Variants in UACA observed in about 807,000 individuals in gnomAD.
The protein encoded by UACA is nuclear membrane binding protein.
Under a neutral mutation model 160.5 loss-of-function variants are expected in UACA, and 112 were observed. The ratio of observed to expected loss-of-function variants is 0.70; its 90% CI spans 0.60 to 0.82. UACA has a LOEUF of 0.82. Among genes scored for constraint, UACA ranks in the 40% least tolerant of loss-of-function variants. UACA has a pLI of 0.00. For missense variants in UACA, 1,574 were observed against 1,614.6 expected, an observed-to-expected ratio of 0.97 and a Z score of 0.43; for synonymous variants, 557 against 568.4, an observed-to-expected ratio of 0.98 and a Z score of 0.29.
rs2030909693 is a variant in UACA at position 70,763,512 on chromosome 15, AG to A, written c.-106del. ...CAGCAGAGGCGGCGCGGGCTGTACC[AG>A]CCCCACCTGCCTGCCACCTGCGGGC... On this transcript the variant is annotated 5_prime_UTR_variant, in exon 1 of 19. Transcript: ENST00000322954. 3.2e-6 allele frequency: 4 copies of A among 1,249,672 alleles called. No homozygotes were observed. Among genetic ancestry groups the A allele is most frequent in the Non-Finnish European group, 4.0e-6 (4 of 991,502 alleles). 77.4% of individuals were successfully genotyped at this position (1,249,672 alleles called of 1,614,324 possible).
intron 1 of UACA, among the ~76,000 whole-genome samples, chr15:70,702,496 A>G (rs1898400573): frequency 6.6e-6 from 1 of 152,242 alleles, no homozygotes; most frequent in South Asian, 2.1e-4. Flanking sequence ...TGACTCAAAC[A>G]TATTGTAAAA....
At position 70,749,283 on chromosome 15, in the gene UACA, T is replaced by C. The variant is rs909846750; in HGVS notation, c.78+14047A>G. 2.8e-5 allele frequency: 11 copies of C among 397,290 alleles called. 1 individual carries two copies. Among genetic ancestry groups the C allele is most frequent in the Admixed American group, 2.8e-5 (1 of 35,580 alleles). 24.6% of individuals were successfully genotyped at this position (397,290 alleles called of 1,614,324 possible). A position where few individuals can be genotyped will look rare whatever the true frequency, so the allele number is the denominator to read the frequency against. On this transcript the variant is annotated intron_variant, in intron 1 of 18. Transcript: ENST00000322954. ...GGCTCATGCCTGTAATCCCAGCACT[T>C]TGGGAGGCCGAAGTGGGCGGATCAC...
chr15:70,694,684 A>G (rs1898066017), intron 3 of UACA, among the ~76,000 whole-genome samples: 1 of 152,136 alleles, frequency 6.6e-6, no homozygotes, highest in South Asian at 2.1e-4. Context: ...GGTAGCAGTT[A>G]GTTCTCCATC....
rs757302801 is a variant in UACA, at chr15:70,677,097, T to C, written c.1032+11A>G. On this transcript the variant is annotated intron_variant, in intron 12 of 18. Transcript: ENST00000322954. Reference sequence around the variant, plus strand: ...ACAATTTTAATGGTTTAAAATAAAATGTCACCCTACCTCGCTTTCCAGATC... The same window carrying C: ...ACAATTTTAATGGTTTAAAATAAAACGTCACCCTACCTCGCTTTCCAGATC... The C allele has an allele frequency of 6.9e-6, 11 of 1,598,642 alleles. No homozygotes were observed. In the African/African-American group the frequency reaches 1.2e-4, roughly 18 times the overall value.
chr15:70,700,310 T>C (rs1427444219), intron 1 of UACA, among the ~76,000 whole-genome samples: 3 of 144,806 alleles, frequency 2.1e-5, no homozygotes, highest in Non-Finnish European at 4.5e-5. Context: ...TGTATATATA[T>C]ATATATATAC....
At chr15:70,767,252 A>C (rs1347439563), upstream of UACA, among the ~76,000 whole-genome samples, 5 of 143,700 alleles carry the variant, frequency 3.5e-5, no homozygotes, top group South Asian at 2.1e-4. Context: ...AAAAAAAAAA[A>C]AAAACAAAAA....
intron 1 of UACA, among the ~76,000 whole-genome samples, chr15:70,738,638 A>C (rs1214299217): frequency 6.6e-6 from 1 of 152,182 alleles, no homozygotes; most frequent in African/African-American, 2.4e-5. Context: ...TAAAACATGA[A>C]GACAAATAAA....
intron 1 of UACA, among the ~76,000 whole-genome samples, chr15:70,719,130 A>G (rs1259115472): frequency 6.6e-6 from 1 of 151,638 alleles, no homozygotes; most frequent in East Asian, 1.9e-4. Flanking sequence ...GGAGAAGAGA[A>G]GAGAACAGAA....
chr15:70,752,020 T>C (rs2141012415), intron 1 of UACA, among the ~76,000 whole-genome samples: 1 of 152,186 alleles, frequency 6.6e-6, no homozygotes, highest in East Asian at 1.9e-4. Context: ...GCAGATCACC[T>C]GAGGTCAGGA....
At chr15:70,704,286 T>C (rs556232273) in intron 1 of UACA, among the ~76,000 whole-genome samples, 11 of 152,318 alleles carry the variant, frequency 7.2e-5, no homozygotes, top group African/African-American at 2.2e-4. Flanking sequence ...ACCAGCAACA[T>C]TGTTCCCCAG....
In UACA at chr15:70,667,760, T is replaced by C. The variant is rs1037005896; in HGVS notation, c.2924A>G (p.Asp975Gly). Residue 975 changes from aspartate to glycine, a missense_variant, in exon 16 of 19, where the codon GAC becomes GGC. Asp to Gly is a moderately conservative substitution (Grantham distance 94). Transcript: ENST00000322954. ...TACCTTAATGCATTCTTGTATTGTG[T>C]CGAGCTCCTTCTTCTGGGCTTTAAT... Reference protein sequence around the residue: ...AEIKAQKKELDTIQECIKVKY... With the variant: ...AEIKAQKKELGTIQECIKVKY... 3 of 1,613,990 alleles carry C rather than the reference T, an allele frequency of 1.9e-6. No individual in the cohort carries two copies. Among genetic ancestry groups the C allele is most frequent in the Non-Finnish European group, 2.5e-6 (3 of 1,180,010 alleles).
the UACA span, among the ~76,000 whole-genome samples, chr15:70,769,741 A>C: frequency 6.6e-6 from 1 of 152,190 alleles, no homozygotes; most frequent in Non-Finnish European, 1.5e-5. Context: ...TCACATCTGT[A>C]ATCCCAGCAT....
At chr15:70,706,517 G>GT (rs113064433) in intron 1 of UACA, among the ~76,000 whole-genome samples, 3,836 of 114,940 alleles carry the variant, frequency 0.033, 76 homozygotes, top group South Asian at 0.14. Flanking sequence ...GATCTTATTT[G>GT]TTAAAAAAAA....
intron 1 of UACA, among the ~76,000 whole-genome samples, chr15:70,743,455 C>T (rs1269452399): frequency 6.6e-6 from 1 of 152,186 alleles, no homozygotes; most frequent in Admixed American, 6.5e-5. Flanking sequence ...TACCACATCT[C>T]TGGATGTGTA....
chr15:70,738,025 T>C (rs937316821), intron 1 of UACA, among the ~76,000 whole-genome samples: 6 of 152,226 alleles, frequency 3.9e-5, no homozygotes, highest in Non-Finnish European at 8.8e-5. Context: ...TTCCCATTAA[T>C]GTTTTGAGGG....
At chr15:70,763,160 C>T (rs1390372228) in intron 1 of UACA, among the ~76,000 whole-genome samples, 170 bp downstream of exon 1, 1 of 152,156 alleles carries the variant, frequency 6.6e-6, no homozygotes. Flanking sequence ...GGAGGATCCC[C>T]GGGGTCTCTG....
At chr15:70,722,230 A>T (rs1899014695) in intron 1 of UACA, among the ~76,000 whole-genome samples, 1 of 152,200 alleles carries the variant, frequency 6.6e-6, no homozygotes, top group Admixed American at 6.5e-5. Context: ...ACAATAACAT[A>T]TAGTAGAAAA....
At chr15:70,658,476 G>A (rs1467613376) in intron 18 of UACA, among the ~76,000 whole-genome samples, 10 of 152,060 alleles carry the variant, frequency 6.6e-5, no homozygotes, top group South Asian at 4.2e-4. Context: ...CATACACTCT[G>A]GCTAACACGA....
chr15:70,770,440 A>G, the UACA span, among the ~76,000 whole-genome samples: 8 of 152,176 alleles, frequency 5.3e-5, no homozygotes, highest in Admixed American at 5.2e-4. Flanking sequence ...TACATCATCT[A>G]TATCTATTTA....
Sources: gnomAD v4.1 joint callset for allele counts (sites outside exome capture counted in the v4.1 genomes callset) on GRCh38, gnomAD v4.1.1 for gene constraint, MANE v1.5 for transcripts, NCBI Gene and HGNC (gene_info 2026-07-23, HGNC 2026-07-21) for gene names.